PLCB1: variants seen among roughly 807,000 people sequenced by gnomAD.
PLCB1 encodes the protein phospholipase C beta 1, also known as 1-phosphatidylinositol 4,5-bisphosphate phosphodiesterase beta-1.
In PLCB1, 46 loss-of-function variants were observed where a neutral mutation model predicts 161.8. The ratio of observed to expected loss-of-function variants is 0.28; its 90% CI spans 0.22 to 0.36. PLCB1 has a LOEUF of 0.36. PLCB1 is among the 10% of genes least tolerant of loss of function. The pLI is 1.00. For missense variants in PLCB1, 1,016 were observed against 1,472.5 expected (o/e 0.69, Z 5.07); for synonymous variants, 517 against 503.7 (o/e 1.03, Z -0.35).
intron 3 of PLCB1, among the ~76,000 whole-genome samples, chr20:8,485,944 T>C (rs1372311545): frequency 6.6e-6 from 1 of 152,152 alleles, no homozygotes; most frequent in Non-Finnish European, 1.5e-5. Context: ...AGCAGTTTAA[T>C]TGACTCACAG....
intron 1 of PLCB1, among the ~76,000 whole-genome samples, chr20:8,134,790 G>C (rs1000284875): frequency 1.3e-5 from 2 of 151,836 alleles, no homozygotes; most frequent in African/African-American, 4.8e-5. Context: ...CATTGCAGCA[G>C]TGAGTTTCCA....
intron 12 of PLCB1, among the ~76,000 whole-genome samples, chr20:8,710,876 C>T (rs1978972046): frequency 6.6e-6 from 1 of 152,144 alleles, no homozygotes; most frequent in Admixed American, 6.5e-5. Flanking sequence ...ACACCTGCTA[C>T]ACTGAGCTTC....
chr20:8,586,955 TA>T (rs1987009316), intron 3 of PLCB1, among the ~76,000 whole-genome samples: 1 of 152,130 alleles, frequency 6.6e-6, no homozygotes, highest in South Asian at 2.1e-4. Flanking sequence ...CATTTTAGTT[TA>T]AAAAGTTTTA....
chr20:8,629,736 T>C (rs1988466776), intron 4 of PLCB1, among the ~76,000 whole-genome samples: 1 of 152,188 alleles, frequency 6.6e-6, no homozygotes, highest in Non-Finnish European at 1.5e-5. Context: ...TAACCCTCAG[T>C]GCTCTGGTGA....
chr20:8,465,137 C>T (rs1981763136), intron 3 of PLCB1, among the ~76,000 whole-genome samples: 1 of 151,836 alleles, frequency 6.6e-6, no homozygotes, highest in Admixed American at 6.6e-5. Flanking sequence ...TTCATGTTGA[C>T]TTGTTATTTT....
intron 17 of PLCB1, among the ~76,000 whole-genome samples, chr20:8,727,982 A>G (rs538453372): frequency 6.6e-6 from 1 of 152,272 alleles, no homozygotes; most frequent in African/African-American, 2.4e-5. Flanking sequence ...CTTTCATAAA[A>G]TTAACAGTAA....
chr20:8,738,263 C>T (rs1027905192), intron 20 of PLCB1, among the ~76,000 whole-genome samples: 2 of 152,192 alleles, frequency 1.3e-5, no homozygotes, highest in African/African-American at 4.8e-5. Flanking sequence ...AAAACATAAA[C>T]GACTTCCACA....
intron 2 of PLCB1, among the ~76,000 whole-genome samples, chr20:8,272,260 G>T (rs1473387832): frequency 6.6e-6 from 1 of 152,076 alleles, no homozygotes; most frequent in African/African-American, 2.4e-5. Context: ...TAGGTGAATA[G>T]AGAGCATATG....
chr20:8,496,333 A>G (rs1983170455), intron 3 of PLCB1, among the ~76,000 whole-genome samples: 1 of 150,046 alleles, frequency 6.7e-6, no homozygotes, highest in Non-Finnish European at 1.5e-5. Flanking sequence ...TCTCTGCAAA[A>G]AAAAAAAAAA....
chr20:8,602,110 A>AT (rs1228584498), intron 3 of PLCB1, among the ~76,000 whole-genome samples: 76 of 152,274 alleles, frequency 5.0e-4, no homozygotes, highest in African/African-American at 1.6e-3. Context: ...AAGTTCTCTC[A>AT]TGAGACTAGT....
At chr20:8,663,652 G>A (rs1179882432) in intron 9 of PLCB1, among the ~76,000 whole-genome samples, 2 of 152,116 alleles carry the variant, frequency 1.3e-5, no homozygotes, top group African/African-American at 4.8e-5. Context: ...ATGTATGTGG[G>A]TTCCAGAAAG....
intron 16 of PLCB1, among the ~76,000 whole-genome samples, chr20:8,725,261 A>G (rs1160290760): frequency 1.3e-5 from 2 of 152,152 alleles, no homozygotes; most frequent in Non-Finnish European, 2.9e-5. Flanking sequence ...ACTTCACATC[A>G]CTTTGTGTTT....
At chr20:8,339,884 G>A (rs774500111) in intron 2 of PLCB1, among the ~76,000 whole-genome samples, 4 of 152,146 alleles carry the variant, frequency 2.6e-5, no homozygotes, top group Non-Finnish European at 4.4e-5. Context: ...TGGGAGGATC[G>A]CTTGAGGTCG....
At chr20:8,228,933 T>C (rs2123178523) in intron 2 of PLCB1, among the ~76,000 whole-genome samples, 1 of 152,236 alleles carries the variant, frequency 6.6e-6, no homozygotes, top group Non-Finnish European at 1.5e-5. Flanking sequence ...TTTGAAAATA[T>C]ATACAATTTT....
chr20:8,173,782 C>CA (rs201482444), intron 2 of PLCB1, among the ~76,000 whole-genome samples: 1,790 of 151,704 alleles, frequency 0.012, 38 homozygotes, highest in African/African-American at 0.039. Context: ...AAAACTTCAG[C>CA]AAAAAAATAG....
chr20:8,258,217 C>T (rs1417444398), intron 2 of PLCB1, among the ~76,000 whole-genome samples: 1 of 152,098 alleles, frequency 6.6e-6, no homozygotes, highest in Non-Finnish European at 1.5e-5. Context: ...GCATCTTATT[C>T]TTTATTTGGT....
intron 2 of PLCB1, among the ~76,000 whole-genome samples, chr20:8,336,274 C>G (rs1472020135): frequency 6.6e-6 from 1 of 152,164 alleles, no homozygotes. Context: ...AAACCTACAC[C>G]TATATACGTA....
At chr20:8,651,339 A>T (rs778340799) in intron 7 of PLCB1, 1 of 671,520 alleles carries the variant, frequency 1.5e-6, no homozygotes, top group African/African-American at 1.8e-5. Context: ...CAAAACAGCA[A>T]AGTTCATTAA....
At chr20:8,506,238 A>T (rs1983633454) in intron 3 of PLCB1, among the ~76,000 whole-genome samples, 1 of 152,256 alleles carries the variant, frequency 6.6e-6, no homozygotes, top group Non-Finnish European at 1.5e-5. Flanking sequence ...CTGGCCAGTA[A>T]TTCCAGCATA....
Sources: allele counts gnomAD v4.1 joint callset (sites outside exome capture counted in the v4.1 genomes callset), GRCh38; gene constraint gnomAD v4.1.1; transcripts MANE v1.5; gene names NCBI Gene and HGNC (gene_info 2026-07-23, HGNC 2026-07-21).